Variants in TIAM2 observed in about 807,000 individuals in gnomAD.
TIAM2 encodes TIAM Rac1 associated GEF 2, also known as rho guanine nucleotide exchange factor TIAM2.
TIAM2 carries 80 observed loss-of-function variants against 152.9 expected under a neutral mutation model. That is an observed-to-expected ratio of 0.52 (90% CI 0.44 to 0.63). TIAM2 has a LOEUF of 0.63. Ranked by LOEUF, TIAM2 falls within the 30% of genes least tolerant of loss-of-function variation. The pLI, the probability that TIAM2 is intolerant of heterozygous loss-of-function variation, is 0.00. For missense variants in TIAM2, 1,965 were observed against 2,120.1 expected (o/e 0.93, Z 1.44); for synonymous variants, 804 against 838.0 (o/e 0.96, Z 0.70).
At position 155,183,308 on chromosome 6, in the gene TIAM2, G is replaced by A. The variant is rs1489665160; in HGVS notation, c.2872G>A (p.Glu958Lys). 2.5e-6 allele frequency: 4 copies of A among 1,614,034 alleles called. No individual in the cohort carries two copies. The highest frequency in any genetic ancestry group is 2.5e-6 in the Non-Finnish European group (3 of 1,180,040). ...GTCTGATCTTGACCTTAAGCAGATG[G>A]AGGCCCTGTTTTCTGAGAAGAGCGT... The part of the protein sequence containing the change: ...AVSDLDLKQM[E>K]ALFSEKSVGL... Residue 958 changes from glutamate (E) to lysine (K), a missense_variant, in exon 14 of 27, where the codon GAG becomes AAG. By Grantham distance (56) the Glu-to-Lys change is moderately conservative (BLOSUM62 1). Transcript: ENST00000682666.
At chr6:155,101,965 G>A (rs1343110989) in intron 2 of TIAM2, among the ~76,000 whole-genome samples, 1 of 151,678 alleles carries the variant, frequency 6.6e-6, no homozygotes, top group Non-Finnish European at 1.5e-5. Flanking sequence ...GCCTCCCAAA[G>A]TGCTGGGATT....
intron 2 of TIAM2, among the ~76,000 whole-genome samples, chr6:155,096,018 C>G (rs917753028): frequency 7.2e-5 from 11 of 151,934 alleles, no homozygotes; most frequent in Non-Finnish European, 1.5e-4. Flanking sequence ...GTGTAGGTTT[C>G]TTTTTGGGTA....
chr6:155,021,481 C>G lies in TIAM2; in HGVS notation c.-209+25989C>G, dbSNP rs151140075. Among the ~76,000 whole-genome samples, 13 of 152,228 alleles carry G rather than the reference C, an allele frequency of 8.5e-5. No individual in the cohort carries two copies. The East Asian group carries it at 2.5e-3, about 29-fold the overall frequency. On this transcript the variant is annotated intron_variant, in intron 1 of 26. Coordinates refer to ENST00000682666, the MANE Select transcript of TIAM2 (RefSeq NM_012454.4). ...TTCGCCATGTTGGTCAGGCTGGTCT[C>G]AAACTCCTGACCTCATGTGATCCGC...
intron 1 of TIAM2, among the ~76,000 whole-genome samples, chr6:155,071,173 CA>C (rs11358545): frequency 0.036 from 4,299 of 119,500 alleles, 203 homozygotes; most frequent in African/African-American, 0.12. Flanking sequence ...GACTCAGTGT[CA>C]AAAAAAGAAA....
At chr6:155,110,318 CT>C (rs67332964) in intron 2 of TIAM2, among the ~76,000 whole-genome samples, 96 of 133,776 alleles carry the variant, frequency 7.2e-4, no homozygotes, top group Middle Eastern at 3.9e-3. Flanking sequence ...TCTTTCTTTT[CT>C]TTTTTTTTTT....
rs143046270 is a variant in TIAM2 at position 155,200,229 on chromosome 6, C to G, written c.3065-10975C>G. ...ATGATCAGAAAGGTCTTGTGATCATCTGGGGCTTTCTCAGTTCAGGGAAAG... is the reference window on the plus strand; with the variant it reads ...ATGATCAGAAAGGTCTTGTGATCATGTGGGGCTTTCTCAGTTCAGGGAAAG... On this transcript the variant is annotated intron_variant, in intron 14 of 26. Transcript: ENST00000682666. 1.1e-4 allele frequency among the ~76,000 whole-genome samples: 17 copies of G among 152,272 alleles called. No homozygotes were observed. The East Asian group carries it at 3.1e-3, about 28-fold the overall frequency.
At chr6:155,093,682 G>A (rs1445101362) in intron 2 of TIAM2, among the ~76,000 whole-genome samples, 3 of 152,218 alleles carry the variant, frequency 2.0e-5, no homozygotes, top group South Asian at 4.1e-4. Context: ...CGGATGTGGT[G>A]TCTGACGACT....
intron 2 of TIAM2, among the ~76,000 whole-genome samples, chr6:155,098,862 G>C (rs1778480960): frequency 6.6e-6 from 1 of 152,128 alleles, no homozygotes; most frequent in African/African-American, 2.4e-5. Flanking sequence ...ATTGGGGCTT[G>C]CTTGTTATGT....
rs547127609 is a variant in TIAM2 at position 155,176,713 on chromosome 6, C to T, written c.2362-103C>T. The T allele has an allele frequency of 1.3e-5, 16 of 1,242,952 alleles. 2 individuals carry two copies. In the African/African-American group the frequency reaches 1.7e-4, roughly 13 times the overall value. The allele number at this position is 1,242,952 out of a possible 1,614,324, so 77.0% of individuals were successfully genotyped here. ...AAGCCAGTGATGTGAAGCGTGTGAG[C>T]GTTTACTCTAAATACTCCGTAAATG... On this transcript the variant is annotated intron_variant, in intron 9 of 26. Transcript: ENST00000682666.
intron 1 of TIAM2, among the ~76,000 whole-genome samples, chr6:155,031,752 A>G (rs1776824518): frequency 6.6e-6 from 1 of 152,164 alleles, no homozygotes; most frequent in African/African-American, 2.4e-5. Context: ...TGCAGAACTT[A>G]TATTTAAATA....
At chr6:155,060,616 C>T (rs1414260192) in intron 1 of TIAM2, among the ~76,000 whole-genome samples, 1 of 151,880 alleles carries the variant, frequency 6.6e-6, no homozygotes, top group African/African-American at 2.4e-5. Context: ...TTTTGGGGAG[C>T]TAGGTGCAGT....
At chr6:155,168,752 T>C (rs1024385387) in intron 9 of TIAM2, 3 of 1,065,614 alleles carry the variant, frequency 2.8e-6, no homozygotes, top group Non-Finnish European at 3.9e-6. Context: ...TAAAATGTTA[T>C]AGAACTTTAG....
At chr6:155,160,904 A>G (rs1201627420) in intron 7 of TIAM2, among the ~76,000 whole-genome samples, 1 of 152,194 alleles carries the variant, frequency 6.6e-6, no homozygotes, top group Admixed American at 6.5e-5. Flanking sequence ...TTTTAAATGA[A>G]CTTTACAGTG....
chr6:155,036,519 A>G (rs1172678898), intron 1 of TIAM2, among the ~76,000 whole-genome samples: 1 of 150,836 alleles, frequency 6.6e-6, no homozygotes, highest in African/African-American at 2.4e-5. Context: ...CAAAAAAGAA[A>G]AAAAAAAAAA....
chr6:155,025,880 A>G (rs1471621359), intron 1 of TIAM2, among the ~76,000 whole-genome samples: 1 of 150,178 alleles, frequency 6.7e-6, no homozygotes, highest in African/African-American at 2.5e-5. Flanking sequence ...ACACACAGAA[A>G]AGAAAGAAGG....
In TIAM2 at chr6:155,251,960, T is replaced by C; in HGVS notation, c.4076T>C (p.Val1359Ala). 1 of 1,604,020 alleles carries C rather than the reference T, an allele frequency of 6.2e-7. No individual in the cohort carries two copies. The highest frequency in any genetic ancestry group is 8.5e-7 in the Non-Finnish European group (1 of 1,176,824). ...CTTTCTTTAGTTTTTAAGAGAGCCG[T>C]CATACTGGTTTATAAAGAAAACTGC... ...ELTVFVFKRA[V>A]ILVYKENCKL... The change falls in exon 23 of 27, where the codon GTC (valine) becomes GCC (alanine). Residue 1359 changes from valine (V) to alanine (A), a missense_variant. Around this residue, in one of 3 missense-constraint regions of TIAM2, gnomAD observed 935 missense variants for 980.0 expected, o/e 0.95. Coordinates refer to ENST00000682666, the MANE Select transcript of TIAM2 (RefSeq NM_012454.4).
At chr6:155,159,397 G>A (rs1271360181) in intron 7 of TIAM2, among the ~76,000 whole-genome samples, 2 of 152,188 alleles carry the variant, frequency 1.3e-5, no homozygotes, top group African/African-American at 2.4e-5. Context: ...GGAATCAGGG[G>A]CCCCGTTATA....
In TIAM2 at chr6:155,029,501, A is replaced by AC. The variant is rs369909516; in HGVS notation, c.-209+34009_-209+34010insC. 2.6e-4 allele frequency among the ~76,000 whole-genome samples: 7 copies of AC among 27,402 alleles called. 1 individual carries two copies. Among genetic ancestry groups the AC allele is most frequent in the Non-Finnish European group, 4.4e-4 (7 of 15,926 alleles). The allele number at this position is 27,402 out of a possible 152,430, so 18.0% of individuals were successfully genotyped here. The stretch of plus-strand genomic sequence containing the variant: ...GTATATATACTATAGTATATATTAT[A>AC]TATAATATATACTATATATTATAGT... On this transcript the variant is annotated intron_variant, in intron 1 of 26. Coordinates refer to ENST00000682666, the MANE Select transcript of TIAM2 (RefSeq NM_012454.4).
chr6:155,031,747 A>G (rs572236973), intron 1 of TIAM2, among the ~76,000 whole-genome samples: 40 of 152,238 alleles, frequency 2.6e-4, no homozygotes, highest in African/African-American at 8.7e-4. Context: ...CAAATTGCAG[A>G]ACTTATATTT....
Sources: gnomAD v4.1 joint callset for allele counts (sites outside exome capture counted in the v4.1 genomes callset) on GRCh38, gnomAD v4.1.1 for gene constraint, gnomAD v4.1.1 regional missense constraint, MANE v1.5 for transcripts, NCBI Gene and HGNC (gene_info 2026-07-23, HGNC 2026-07-21) for gene names.